RBM47: variants seen among roughly 807,000 people sequenced by gnomAD.
RBM47 encodes RNA-binding protein 47.
RBM47 carries 21 observed loss-of-function variants against 47.1 expected under a neutral mutation model. The ratio of observed to expected loss-of-function variants is 0.45; its 90% CI spans 0.32 to 0.64. RBM47 has a LOEUF of 0.64. RBM47 is among the 30% of genes least tolerant of loss of function. The pLI is 0.05. For synonymous variants in RBM47, 375 were observed against 361.7 expected (o/e 1.04, Z -0.42); for missense variants, 708 against 870.9 (o/e 0.81, Z 2.35).
chr4:40,511,298 T>G (rs1322209979), intron 2 of RBM47, among the ~76,000 whole-genome samples: 1 of 152,240 alleles, frequency 6.6e-6, no homozygotes, highest in East Asian at 1.9e-4. Flanking sequence ...TATGGCATGT[T>G]GTGAAATGCC....
chr4:40,569,819 T>C (rs941831754), intron 1 of RBM47, among the ~76,000 whole-genome samples: 2 of 151,730 alleles, frequency 1.3e-5, no homozygotes, highest in African/African-American at 4.8e-5. Flanking sequence ...CAAGCAATTC[T>C]CCTGCCTCAG....
rs185252411 is a variant in RBM47, at chr4:40,624,491, C to T, written c.-240+4905G>A. Among the ~76,000 whole-genome samples the T allele has an allele frequency of 3.0e-3, 458 of 152,292 alleles. 3 individuals carry two copies. Among genetic ancestry groups the T allele is most frequent in the African/African-American group, 0.011 (443 of 41,564 alleles). Reference sequence around the variant, plus strand: ...CCAGCATGCTGCAGCCTTTTATAATCTAACTAAATTCTAAGGTAAAGCCAT... The same window carrying T: ...CCAGCATGCTGCAGCCTTTTATAATTTAACTAAATTCTAAGGTAAAGCCAT... On this transcript the variant is annotated intron_variant, in intron 1 of 6. Coordinates refer to ENST00000295971, the MANE Select transcript of RBM47 (RefSeq NM_001098634.2).
chr4:40,440,153 A>G (rs1379694180), intron 3 of RBM47, among the ~76,000 whole-genome samples: 1 of 152,170 alleles, frequency 6.6e-6, no homozygotes, highest in Non-Finnish European at 1.5e-5. Flanking sequence ...AATGAAATCT[A>G]TTTCATTTTT....
intron 1 of RBM47, among the ~76,000 whole-genome samples, chr4:40,562,656 A>G (rs7686845): frequency 0.26 from 39,336 of 151,666 alleles, 6,518 homozygotes; most frequent in African/African-American, 0.47. Context: ...AGTAGAGACG[A>G]GGTTTCACCA....
intron 1 of RBM47, among the ~76,000 whole-genome samples, chr4:40,550,313 T>G (rs1011225749): frequency 3.9e-5 from 6 of 152,186 alleles, no homozygotes; most frequent in African/African-American, 1.4e-4. Context: ...CAGAGGGGCA[T>G]GAGAAAACTT....
chr4:40,530,782 T>C (rs1727313692), intron 2 of RBM47, among the ~76,000 whole-genome samples: 1 of 152,190 alleles, frequency 6.6e-6, no homozygotes, highest in Admixed American at 6.6e-5. Flanking sequence ...TCTTTTTCCT[T>C]TGAACATGGG....
intron 1 of RBM47, among the ~76,000 whole-genome samples, chr4:40,561,544 C>CTTTTTTTTTTTT (rs796381156): frequency 4.0e-5 from 5 of 124,574 alleles, no homozygotes; most frequent in Admixed American, 8.0e-5. Flanking sequence ...TTCTTCTTTT[C>CTTTTTTTTTTTT]TTTTTTTTTT....
chr4:40,463,390 T>C (rs553302917), intron 3 of RBM47, among the ~76,000 whole-genome samples: 1 of 152,292 alleles, frequency 6.6e-6, no homozygotes, highest in Admixed American at 6.5e-5. Context: ...GGTGAGAATG[T>C]GGAGAAACTG....
At chr4:40,529,931 CTTTTTTTTTTTTTT>C (rs1184871315) in intron 2 of RBM47, among the ~76,000 whole-genome samples, 1 of 124,486 alleles carries the variant, frequency 8.0e-6, no homozygotes, top group African/African-American at 3.4e-5. Flanking sequence ...ATTAGACCCC[CTTTTTTTTTTTTTT>C]TTTTTTTTGA....
intron 1 of RBM47, among the ~76,000 whole-genome samples, chr4:40,573,837 GA>G (rs1560479151): frequency 6.9e-6 from 1 of 145,922 alleles, no homozygotes; most frequent in African/African-American, 2.6e-5. Context: ...GAAAGAAAGA[GA>G]AAGAAAGAAA....
intron 2 of RBM47, among the ~76,000 whole-genome samples, chr4:40,479,948 G>C (rs544460060): frequency 8.7e-5 from 13 of 149,434 alleles, no homozygotes; most frequent in Non-Finnish European, 1.6e-4. Flanking sequence ...CCATACATAG[G>C]TTGAGGCAGG....
At chr4:40,528,949 A>ATAAATAAATAAAT (rs57303226) in intron 2 of RBM47, among the ~76,000 whole-genome samples, 1,392 of 88,492 alleles carry the variant, frequency 0.016, 14 homozygotes, top group African/African-American at 0.048. Context: ...TCTCAAAAAA[A>ATAAATAAATAAAT]AAATAAATAA....
chr4:40,448,936 G>A (rs1301619055), intron 3 of RBM47, among the ~76,000 whole-genome samples: 3 of 152,128 alleles, frequency 2.0e-5, no homozygotes, highest in Non-Finnish European at 2.9e-5. Flanking sequence ...GGGTGGGGTA[G>A]GAAATCAGAG....
chr4:40,456,573 T>TC (rs1716292645), intron 3 of RBM47, among the ~76,000 whole-genome samples: 1 of 141,852 alleles, frequency 7.0e-6, no homozygotes, highest in Non-Finnish European at 1.5e-5. Flanking sequence ...TCTTTTTTCT[T>TC]TTTTTTTTTT....
chr4:40,536,755 T>G (rs1322342655), intron 2 of RBM47, among the ~76,000 whole-genome samples: 1 of 151,832 alleles, frequency 6.6e-6, no homozygotes, highest in Non-Finnish European at 1.5e-5. Flanking sequence ...TGACAGAGTC[T>G]CGCTCTGTCA....
chr4:40,626,845 T>C (rs1560513518), intron 1 of RBM47, among the ~76,000 whole-genome samples: 2 of 152,118 alleles, frequency 1.3e-5, no homozygotes, highest in Non-Finnish European at 2.9e-5. Context: ...CAGGGTGCCA[T>C]TTCCCCCGAA....
chr4:40,505,378 GC>G (rs1560427833), intron 2 of RBM47, among the ~76,000 whole-genome samples: 2 of 151,208 alleles, frequency 1.3e-5, no homozygotes, highest in African/African-American at 4.9e-5. Flanking sequence ...TGTGTTCCCA[GC>G]TACTTGGGAA....
At chr4:40,560,432 G>A (rs1044697422) in intron 1 of RBM47, among the ~76,000 whole-genome samples, 1 of 125,994 alleles carries the variant, frequency 7.9e-6, no homozygotes, top group Admixed American at 7.7e-5. Context: ...ACCTTGCCAG[G>A]TGCATTTAAA....
At chr4:40,432,276 G>A (rs1334138074) in intron 6 of RBM47, among the ~76,000 whole-genome samples, 1 of 151,114 alleles carries the variant, frequency 6.6e-6, no homozygotes, top group Non-Finnish European at 1.5e-5. Flanking sequence ...AATCTTCATT[G>A]AGCTGCAGTT....
Sources: allele counts gnomAD v4.1 joint callset (sites outside exome capture counted in the v4.1 genomes callset), GRCh38; gene constraint gnomAD v4.1.1; transcripts MANE v1.5; gene names NCBI Gene and HGNC (gene_info 2026-07-23, HGNC 2026-07-21).